Variants in FAT1 observed in about 807,000 individuals in gnomAD.
The protein encoded by FAT1 is FAT atypical cadherin 1, also known as protocadherin Fat 1.
Under a neutral mutation model 329.8 loss-of-function variants are expected in FAT1, and 171 were observed. That is an observed-to-expected ratio of 0.52 (90% CI 0.46 to 0.59). The LOEUF (loss-of-function observed/expected upper bound fraction) is 0.59. FAT1 is among the 20% of genes least tolerant of loss of function. The probability of loss-of-function intolerance (pLI) is 0.00; values close to 1 mark genes in which losing one functional copy is unlikely to be tolerated. For missense variants in FAT1, 5,672 were observed against 5,774.4 expected (o/e 0.98, Z 0.57); for synonymous variants, 2,233 against 2,228.6 (o/e 1.00, Z -0.06).
chr4:186,679,333 C>T (rs376041359), intron 2 of FAT1, among the ~76,000 whole-genome samples: 6 of 145,172 alleles, frequency 4.1e-5, no homozygotes, highest in East Asian at 2.1e-4. Context: ...AGGAGAATGG[C>T]GTGAACCTGG....
chr4:186,699,384 G>A (rs1415556772), intron 2 of FAT1, among the ~76,000 whole-genome samples: 1 of 152,126 alleles, frequency 6.6e-6, no homozygotes, highest in Non-Finnish European at 1.5e-5. Flanking sequence ...TGAGCCACTC[G>A]GAGGCCTAGC....
chr4:186,694,924 T>G (rs1323307923), intron 2 of FAT1, among the ~76,000 whole-genome samples: 1 of 152,224 alleles, frequency 6.6e-6, no homozygotes, highest in African/African-American at 2.4e-5. Flanking sequence ...ATCGTGCCAC[T>G]GCACTCCAGC....
chr4:186,726,671 G>A (rs1745733771), upstream of FAT1: 1 of 152,216 alleles, frequency 6.6e-6, no homozygotes, highest in South Asian at 2.1e-4. Flanking sequence ...TTGAGGAGTT[G>A]CGGCCGCCGG....
rs952499059 is a variant in FAT1 at position 186,693,491 on chromosome 4, C to T, written c.3265+13072G>A. ...CCCGAGACCACCATGTAAACGGGTCCAGGACAGGCTGCGGGATGATCACAG... is the reference window on the plus strand; with the variant it reads ...CCCGAGACCACCATGTAAACGGGTCTAGGACAGGCTGCGGGATGATCACAG... On this transcript the variant is annotated intron_variant, in intron 2 of 26. Transcript: ENST00000441802. 7.0e-5 allele frequency among the ~76,000 whole-genome samples: 10 copies of T among 142,570 alleles called. 3 individuals are homozygous for T. The highest frequency in any genetic ancestry group is 2.7e-4 in the African/African-American group (10 of 36,784). The allele number at this position is 142,570 out of a possible 152,430, so 93.5% of individuals were successfully genotyped here. A position where few individuals can be genotyped will look rare whatever the true frequency, so the allele number is the denominator to read the frequency against.
chr4:186,592,732 G>A, intron 26 of FAT1: 2 of 456,708 alleles, frequency 4.4e-6, no homozygotes, highest in Non-Finnish European at 8.8e-6. Context: ...TTGACAAGGT[G>A]CATTACGGTC....
intron 3 of FAT1, among the ~76,000 whole-genome samples, chr4:186,653,150 G>GACCTGCTA (rs1741747844): frequency 6.6e-6 from 1 of 152,142 alleles, no homozygotes; most frequent in Admixed American, 6.5e-5. Flanking sequence ...AGATGATAAA[G>GACCTGCTA]ACCTGCTAAG....
In FAT1 at chr4:186,662,900, C is replaced by A. The variant is rs547802772; in HGVS notation, c.3580+399G>T. Among the ~76,000 whole-genome samples, 65 of 151,956 alleles carry A rather than the reference C, an allele frequency of 4.3e-4. 1 individual carries two copies. The highest frequency in any genetic ancestry group is 7.2e-4 in the Admixed American group (11 of 15,266). ...CGCCCAGGCTGGAGTGCAGTGGCAC[C>A]ATCTCGGCTCACTGCAAGCTCCGCC... On this transcript the variant is annotated intron_variant, in intron 3 of 26. Coordinates refer to ENST00000441802, the MANE Select transcript of FAT1 (RefSeq NM_005245.4).
chr4:186,718,669 A>AAAAAT (rs889945336), intron 1 of FAT1, among the ~76,000 whole-genome samples: 65 of 152,268 alleles, frequency 4.3e-4, no homozygotes, highest in South Asian at 1.2e-3. Flanking sequence ...TCCGTCTCAA[A>AAAAAT]AAAATAAAAT....
At position 186,611,452 on chromosome 4, in the gene FAT1, C is replaced by A. The variant is rs775259100; in HGVS notation, c.9787G>T (p.Ala3263Ser). ...YAASRDIEANAEITYSIISGN... is the reference protein window; with the variant it reads ...YAASRDIEANSEITYSIISGN... ...CTTATTATTGAGTAGGTGATTTCTG[C>A]ATTTGCTTCAATATCCCGACTTGCT... The change falls in exon 14 of 27, where the codon GCA (alanine) becomes TCA (serine). Residue 3263 changes from alanine (A) to serine (S), a missense_variant. Transcript: ENST00000441802. 25 of 1,613,850 alleles carry A rather than the reference C, an allele frequency of 1.5e-5. No individual in the cohort carries two copies. The South Asian group carries it at 2.7e-4, about 18-fold the overall frequency.
At chr4:186,680,306 T>C (rs1743150747) in intron 2 of FAT1, among the ~76,000 whole-genome samples, 1 of 152,234 alleles carries the variant, frequency 6.6e-6, no homozygotes, top group South Asian at 2.1e-4. Flanking sequence ...GCCATCCTAT[T>C]ATGTTCTTCA....
intron 2 of FAT1, among the ~76,000 whole-genome samples, chr4:186,677,710 A>G (rs1743021448): frequency 6.6e-6 from 1 of 152,192 alleles, no homozygotes; most frequent in African/African-American, 2.4e-5. Flanking sequence ...GGGGCAGACA[A>G]ATGAAGTATT....
intron 14 of FAT1, among the ~76,000 whole-genome samples, chr4:186,611,144 T>C (rs1739424550): frequency 6.6e-6 from 1 of 152,182 alleles, no homozygotes; most frequent in Non-Finnish European, 1.5e-5. Flanking sequence ...TGATTTTCTA[T>C]TTTAAGTTAA....
At position 186,619,330 on chromosome 4, in the gene FAT1, C is replaced by G. The variant is rs376744000; in HGVS notation, c.7256G>C (p.Ser2419Thr). The change falls in exon 10 of 27, where the codon AGT (serine) becomes ACT (threonine). Residue 2419 changes from serine (S) to threonine (T), a missense_variant. Ser to Thr is a moderately conservative substitution (Grantham distance 58). Around this residue, in one of 2 missense-constraint regions of FAT1, gnomAD observed 3,966 missense variants for 3,915.2 expected, o/e 1.01. Transcript: ENST00000441802. The part of the protein sequence containing the change: ...VTCVKAYDAD[S>T]SDIDKLQYSI... The stretch of plus-strand genomic sequence containing the variant: ...ATACTGCAACTTGTCTATGTCTGAA[C>G]TGTCTGCATCATAGGCTTTTACACA... 1.4e-5 allele frequency: 23 copies of G among 1,613,956 alleles called. No individual in the cohort carries two copies. In the African/African-American group the frequency reaches 3.1e-4, roughly 22 times the overall value.
intron 2 of FAT1, among the ~76,000 whole-genome samples, chr4:186,698,305 C>T (rs952108425): frequency 5.3e-5 from 8 of 152,138 alleles, no homozygotes; most frequent in Non-Finnish European, 1.2e-4. Flanking sequence ...GAAGCAAAGG[C>T]TACCTGGCTT....
chr4:186,708,938 C>G lies in FAT1; in HGVS notation c.890G>C (p.Gly297Ala), dbSNP rs1232996599. 6.2e-7 allele frequency: 1 copy of G among 1,614,010 alleles called. No individual in the cohort carries two copies. Among genetic ancestry groups the G allele is most frequent in the Non-Finnish European group, 8.5e-7 (1 of 1,179,884 alleles). ...TGTTCTAAACTGCTGGAGAAGGTCA[C>G]CTGCCACGATGCTTAAAGATGCTAT... is the stretch of plus-strand genomic sequence containing the variant. ...GDIASLSIVA[G>A]DLLQQFRTVR... Residue 297 changes from glycine to alanine, a missense_variant, in exon 2 of 27, where the codon GGT becomes GCT. This residue lies in a region of FAT1 where 3,966 missense variants were observed against 3,915.2 expected (regional missense o/e 1.01). Transcript: ENST00000441802.
At chr4:186,673,279 A>G (rs566816449) in intron 2 of FAT1, among the ~76,000 whole-genome samples, 3 of 152,362 alleles carry the variant, frequency 2.0e-5, no homozygotes, top group African/African-American at 7.2e-5. Context: ...AATGTATACA[A>G]TAAAAGTCAA....
At chr4:186,674,937 G>A (rs564158092) in intron 2 of FAT1, among the ~76,000 whole-genome samples, 30 of 152,148 alleles carry the variant, frequency 2.0e-4, no homozygotes, top group Non-Finnish European at 3.4e-4. Context: ...GGGTGCCTGA[G>A]GCAGGGGCAT....
chr4:186,639,674 A>C, intron 4 of FAT1, 48 bp downstream of exon 4: 1 of 1,238,508 alleles, frequency 8.1e-7, no homozygotes, highest in Non-Finnish European at 1.2e-6. Flanking sequence ...TTCCCATGAT[A>C]CTTGTAACTA....
At chr4:186,720,107 A>G (rs76033294) in intron 1 of FAT1, among the ~76,000 whole-genome samples, 4,502 of 152,350 alleles carry the variant, frequency 0.03, 213 homozygotes, top group African/African-American at 0.1. Flanking sequence ...CAAGTTCAGT[A>G]ACCAAGCTGT....
Sources: gnomAD v4.1 joint callset for allele counts (sites outside exome capture counted in the v4.1 genomes callset) on GRCh38, gnomAD v4.1.1 for gene constraint, gnomAD v4.1.1 regional missense constraint, MANE v1.5 for transcripts, NCBI Gene and HGNC (gene_info 2026-07-23, HGNC 2026-07-21) for gene names.